FNDC3A: variants seen among roughly 807,000 people sequenced by gnomAD.
FNDC3A encodes fibronectin type-III domain-containing protein 3A.
Under a neutral mutation model 148.9 loss-of-function variants are expected in FNDC3A, and 32 were observed. The observed-to-expected ratio is 0.21, with a 90% confidence interval of 0.16 to 0.29. The LOEUF (loss-of-function observed/expected upper bound fraction) is 0.29. Ranked by LOEUF, FNDC3A falls within the 10% of genes least tolerant of loss-of-function variation. The pLI is 1.00. For missense variants in FNDC3A, 1,191 were observed against 1,452.8 expected (o/e 0.82, Z 2.93); for synonymous variants, 472 against 473.6 (o/e 1.00, Z 0.04).
intron 3 of FNDC3A, among the ~76,000 whole-genome samples, chr13:49,085,000 C>T (rs1413566075): frequency 6.6e-6 from 1 of 152,070 alleles, no homozygotes; most frequent in African/African-American, 2.4e-5. Flanking sequence ...TTTCTACTCT[C>T]ACCTCATTTC....
chr13:49,193,209 A>G (rs1885976226), intron 19 of FNDC3A, among the ~76,000 whole-genome samples: 1 of 152,320 alleles, frequency 6.6e-6, no homozygotes, highest in Admixed American at 6.5e-5. Flanking sequence ...TATAACATGT[A>G]TAACAGTACT....
At chr13:49,187,347 T>C in intron 16 of FNDC3A, 157 bp downstream of exon 16, 3 of 852,088 alleles carry the variant, frequency 3.5e-6, no homozygotes, top group Non-Finnish European at 5.5e-6. Context: ...TCCTGGATTT[T>C]TTTTTTTTAA....
chr13:49,020,597 A>AACT (rs1031310483), intron 2 of FNDC3A, among the ~76,000 whole-genome samples: 3 of 152,326 alleles, frequency 2.0e-5, no homozygotes, highest in Admixed American at 1.3e-4. Context: ...TATCCTGGTG[A>AACT]ACTACTTGCT....
intron 3 of FNDC3A, among the ~76,000 whole-genome samples, chr13:49,088,574 A>G (rs573250347): frequency 6.6e-6 from 1 of 152,300 alleles, no homozygotes; most frequent in East Asian, 1.9e-4. Context: ...ACCTCAGTGT[A>G]TTATTTGAAC....
At position 49,158,796 on chromosome 13, in the gene FNDC3A, A is replaced by T. The variant is rs551474830; in HGVS notation, c.978-8448A>T. On this transcript the variant is annotated intron_variant, in intron 8 of 25. Coordinates refer to ENST00000492622, the MANE Select transcript of FNDC3A (RefSeq NM_001079673.2). Reference sequence around the variant, plus strand: ...TAATCCATCTTGAATTAATTTTTGTATAAGGTGTAAGGAAGGGATCCAGTT... The same window carrying T: ...TAATCCATCTTGAATTAATTTTTGTTTAAGGTGTAAGGAAGGGATCCAGTT... 8.8e-4 allele frequency among the ~76,000 whole-genome samples: 134 copies of T among 152,252 alleles called. 1 individual carries two copies. The highest frequency in any genetic ancestry group is 2.3e-3 in the Admixed American group (35 of 15,290).
At chr13:49,093,204 C>G (rs745513210) in intron 3 of FNDC3A, among the ~76,000 whole-genome samples, 1 of 152,144 alleles carries the variant, frequency 6.6e-6, no homozygotes, top group Non-Finnish European at 1.5e-5. Context: ...ACATTCCCCT[C>G]CGCTCTCCTC....
At chr13:48,991,234 G>T (rs1242681773) in intron 1 of FNDC3A, among the ~76,000 whole-genome samples, 1 of 152,146 alleles carries the variant, frequency 6.6e-6, no homozygotes, top group African/African-American at 2.4e-5. Flanking sequence ...GATGGAAAAA[G>T]ATATGCCATG....
chr13:49,188,583 T>C lies in FNDC3A; in HGVS notation c.1894T>C (p.Cys632Arg). 6.2e-7 allele frequency: 1 copy of C among 1,614,004 alleles called. No homozygotes were observed. The highest frequency in any genetic ancestry group is 2.2e-5 in the East Asian group (1 of 44,882). The change falls in exon 17 of 26, where the codon TGT becomes CGT. Residue 632 changes from cysteine to arginine, a missense_variant. Around this residue, in one of 3 missense-constraint regions of FNDC3A, gnomAD observed 751 missense variants for 944.0 expected, o/e 0.80. Coordinates refer to ENST00000492622, the MANE Select transcript of FNDC3A (RefSeq NM_001079673.2). ...TCTTTGTGATCGACTGAATCCAGGCTGTTTCTATCGTTTACGAGTTTACTG... is the reference window on the plus strand; with the variant it reads ...TCTTTGTGATCGACTGAATCCAGGCCGTTTCTATCGTTTACGAGTTTACTG... ...EHLCDRLNPGCFYRLRVYCIS... is the reference protein window; with the variant it reads ...EHLCDRLNPGRFYRLRVYCIS...
intron 1 of FNDC3A, among the ~76,000 whole-genome samples, chr13:49,001,679 AG>A (rs1321155455): frequency 6.6e-6 from 1 of 152,170 alleles, no homozygotes; most frequent in African/African-American, 2.4e-5. Flanking sequence ...AATAAGCCCC[AG>A]TCTCCCATAG....
At chr13:49,055,646 A>G (rs1478465200) in intron 2 of FNDC3A, among the ~76,000 whole-genome samples, 1 of 152,154 alleles carries the variant, frequency 6.6e-6, no homozygotes, top group Non-Finnish European at 1.5e-5. Context: ...CTTTCAACCA[A>G]TTGCCAATCA....
intron 2 of FNDC3A, among the ~76,000 whole-genome samples, chr13:49,014,167 C>T (rs1402296345): frequency 1.6e-4 from 20 of 128,122 alleles, no homozygotes; most frequent in Non-Finnish European, 2.1e-4. Flanking sequence ...CCTGAGGAAT[C>T]GCCACACTGA....
At chr13:49,195,302 A>G (rs1886093468) in intron 19 of FNDC3A, among the ~76,000 whole-genome samples, 1 of 152,110 alleles carries the variant, frequency 6.6e-6, no homozygotes, top group African/African-American at 2.4e-5. Context: ...CTTTTTTATA[A>G]AACAGTTACG....
In FNDC3A at chr13:49,033,299, G is replaced by GAT. The variant is rs1228781774; in HGVS notation, c.99+27014_99+27015dup. ...TCTTTGTTGATTTGGTTGCTATGGT[G>GAT]ATATAGTCATGTACAACAGTAAGCC... On this transcript the variant is annotated intron_variant, in intron 2 of 25. Coordinates refer to ENST00000492622, the MANE Select transcript of FNDC3A (RefSeq NM_001079673.2). Among the ~76,000 whole-genome samples the GAT allele has an allele frequency of 9.8e-5, 15 of 152,288 alleles. No individual in the cohort carries two copies. In the East Asian group the frequency reaches 2.9e-3, roughly 29 times the overall value.
intron 2 of FNDC3A, among the ~76,000 whole-genome samples, chr13:49,012,939 G>A (rs180954065): frequency 2.0e-5 from 3 of 151,372 alleles, no homozygotes; most frequent in Non-Finnish European, 2.9e-5. Context: ...TTTGAGACTT[G>A]TTCTTAGTCT....
At chr13:49,073,763 T>TAC (rs1302933623) in intron 2 of FNDC3A, among the ~76,000 whole-genome samples, 1 of 146,542 alleles carries the variant, frequency 6.8e-6, no homozygotes, top group South Asian at 2.1e-4. Flanking sequence ...ATATAATATA[T>TAC]ATGTATATAA....
intron 2 of FNDC3A, among the ~76,000 whole-genome samples, chr13:49,017,187 A>G (rs1203444320): frequency 2.0e-5 from 3 of 151,900 alleles, no homozygotes; most frequent in Admixed American, 6.6e-5. Context: ...GATCTGTCTA[A>G]TGTTGACAGT....
intron 3 of FNDC3A, chr13:49,110,317 G>T: frequency 6.5e-7 from 1 of 1,539,272 alleles, no homozygotes; most frequent in Non-Finnish European, 8.7e-7. Context: ...AAAAAAAGCC[G>T]TTCTCCAATT....
At chr13:49,088,865 A>G (rs575486782) in intron 3 of FNDC3A, among the ~76,000 whole-genome samples, 15 of 152,224 alleles carry the variant, frequency 9.9e-5, no homozygotes, top group African/African-American at 3.6e-4. Flanking sequence ...TGCACACAGC[A>G]GTGTTTTCTG....
intron 7 of FNDC3A, among the ~76,000 whole-genome samples, chr13:49,142,072 T>C (rs1029989747): frequency 6.6e-6 from 1 of 152,198 alleles, no homozygotes; most frequent in African/African-American, 2.4e-5. Flanking sequence ...GATATGGATA[T>C]AAAAGCAAAT....
Sources: allele counts gnomAD v4.1 joint callset (sites outside exome capture counted in the v4.1 genomes callset), GRCh38; gene constraint gnomAD v4.1.1; regional missense constraint gnomAD v4.1.1; transcripts MANE v1.5; gene names NCBI Gene and HGNC (gene_info 2026-07-23, HGNC 2026-07-21).